Variants in KATNAL1 observed in about 807,000 individuals in gnomAD.
The protein encoded by KATNAL1 is katanin p60 ATPase-containing subunit A-like 1.
Under a neutral mutation model 55.2 loss-of-function variants are expected in KATNAL1, and 32 were observed. The ratio of observed to expected loss-of-function variants is 0.58; its 90% CI spans 0.44 to 0.78. The LOEUF (loss-of-function observed/expected upper bound fraction) is 0.78. Ranked by LOEUF, KATNAL1 falls within the 30% of genes least tolerant of loss-of-function variation. The probability of loss-of-function intolerance (pLI) is 0.00; values close to 1 mark genes in which losing one functional copy is unlikely to be tolerated. For missense variants in KATNAL1, 466 were observed against 600.9 expected, an observed-to-expected ratio of 0.78 and a Z score of 2.35; for synonymous variants, 193 against 193.6, an observed-to-expected ratio of 1.00 and a Z score of 0.02.
intron 6 of KATNAL1, among the ~76,000 whole-genome samples, chr13:30,233,406 G>T (rs1876306569): frequency 6.6e-6 from 1 of 152,072 alleles, no homozygotes; most frequent in Non-Finnish European, 1.5e-5. Context: ...ACCAAAATGA[G>T]ATCATCTCGC....
chr13:30,243,492 T>C (rs181877412), intron 4 of KATNAL1, among the ~76,000 whole-genome samples: 3 of 149,956 alleles, frequency 2.0e-5, no homozygotes, highest in South Asian at 4.2e-4. Context: ...ATCAAGATGA[T>C]AAAGGGTTCA....
chr13:30,243,882 T>C (rs1485269546), intron 4 of KATNAL1, among the ~76,000 whole-genome samples: 2 of 152,164 alleles, frequency 1.3e-5, no homozygotes, highest in East Asian at 3.8e-4. Context: ...TGTTGCCTGA[T>C]TTCAATGGCC....
intron 3 of KATNAL1, among the ~76,000 whole-genome samples, chr13:30,269,094 T>TCTCC (rs1566118012): frequency 6.6e-6 from 1 of 152,050 alleles, no homozygotes; most frequent in Non-Finnish European, 1.5e-5. Context: ...CCACGGTCTC[T>TCTCC]CTCTCCCTCT....
chr13:30,303,958 C>T (rs538827310), intron 1 of KATNAL1, among the ~76,000 whole-genome samples: 1 of 152,214 alleles, frequency 6.6e-6, no homozygotes, highest in Non-Finnish European at 1.5e-5. Context: ...AGTCCTGCCA[C>T]ACTGTTAGTA....
chr13:30,248,340 G>C (rs1157567496), intron 4 of KATNAL1, among the ~76,000 whole-genome samples: 2 of 151,886 alleles, frequency 1.3e-5, no homozygotes, highest in East Asian at 3.8e-4. Flanking sequence ...TCACAAGTTT[G>C]GTCAAATAGT....
At chr13:30,306,638 T>C (rs1391949355) in intron 1 of KATNAL1, 1 of 152,244 alleles carries the variant, frequency 6.6e-6, no homozygotes, top group Non-Finnish European at 1.5e-5. Context: ...GGGTTTAATA[T>C]GCAAACACCT....
intron 3 of KATNAL1, among the ~76,000 whole-genome samples, chr13:30,269,988 C>G (rs1394911934): frequency 6.7e-6 from 1 of 148,448 alleles, no homozygotes; most frequent in East Asian, 2.1e-4. Flanking sequence ...TGAGGAGCCC[C>G]TCTGCCCGGC....
chr13:30,262,691 G>T (rs1879407931), intron 3 of KATNAL1, among the ~76,000 whole-genome samples: 1 of 151,792 alleles, frequency 6.6e-6, no homozygotes, highest in Non-Finnish European at 1.5e-5. Flanking sequence ...TCTCTGAATA[G>T]ACCAATAACA....
chr13:30,212,593 C>T (rs1237727478), intron 9 of KATNAL1, among the ~76,000 whole-genome samples: 1 of 152,234 alleles, frequency 6.6e-6, no homozygotes, highest in Non-Finnish European at 1.5e-5. Context: ...CTTTGGAAAA[C>T]ATATTGAATT....
intron 1 of KATNAL1, among the ~76,000 whole-genome samples, chr13:30,286,442 A>G (rs1881793658): frequency 6.6e-6 from 1 of 152,242 alleles, no homozygotes; most frequent in Admixed American, 6.5e-5. Context: ...ACAAGCCCCA[A>G]GTTTTGGCAG....
chr13:30,301,343 G>C (rs1483594262), intron 1 of KATNAL1, among the ~76,000 whole-genome samples: 1 of 152,112 alleles, frequency 6.6e-6, no homozygotes, highest in African/African-American at 2.4e-5. Flanking sequence ...ACTCCAACCT[G>C]GGCGACAAGA....
At chr13:30,255,787 C>CT (rs1451754667) in intron 3 of KATNAL1, among the ~76,000 whole-genome samples, 172 bp from the exon 4 acceptor site, 2 of 152,012 alleles carry the variant, frequency 1.3e-5, no homozygotes, top group Non-Finnish European at 2.9e-5. Flanking sequence ...TTCCCAAATT[C>CT]TTTTTTCTAA....
intron 3 of KATNAL1, among the ~76,000 whole-genome samples, chr13:30,266,466 TAATA>T (rs951694234): frequency 2.6e-5 from 4 of 152,186 alleles, no homozygotes; most frequent in African/African-American, 7.2e-5. Context: ...TTTATAAACA[TAATA>T]AATTAAGTTT....
At chr13:30,253,027 G>C (rs778387750) in intron 4 of KATNAL1, among the ~76,000 whole-genome samples, 1 of 152,148 alleles carries the variant, frequency 6.6e-6, no homozygotes, top group Non-Finnish European at 1.5e-5. Context: ...GATTACAGGC[G>C]TGAGCCACTG....
At chr13:30,265,675 C>T (rs1041746066) in intron 3 of KATNAL1, among the ~76,000 whole-genome samples, 146 of 151,322 alleles carry the variant, frequency 9.6e-4, no homozygotes, top group African/African-American at 3.3e-3. Flanking sequence ...ATGAGCCTAG[C>T]AGATTTTAGA....
intron 9 of KATNAL1, among the ~76,000 whole-genome samples, chr13:30,216,730 C>A (rs973637397): frequency 6.6e-6 from 1 of 152,126 alleles, no homozygotes; most frequent in African/African-American, 2.4e-5. Context: ...CTGTGCCTAC[C>A]GATACAGAAG....
In KATNAL1 at chr13:30,202,933, ATT is replaced by A. The variant is rs1267196400; in HGVS notation, c.*5605_*5606del. The A allele has an allele frequency of 2.6e-5, 4 of 152,138 alleles. No individual in the cohort carries two copies. The highest frequency in any genetic ancestry group is 5.9e-5 in the Non-Finnish European group (4 of 68,030). The allele number at this position is 152,138 out of a possible 1,614,324, so 9.4% of individuals were successfully genotyped here. On this transcript the variant is annotated 3_prime_UTR_variant, in exon 11 of 11. Coordinates refer to ENST00000380615, the MANE Select transcript of KATNAL1 (RefSeq NM_032116.5). ...CTGCCGTACCATCATATGAATATAC[ATT>A]TGTCAGTAAAAATGTGACAAAAATG...
rs367576199 is a variant in KATNAL1, at chr13:30,291,366, T to C, written c.-14-7575A>G. Among the ~76,000 whole-genome samples, 4 of 152,314 alleles carry C rather than the reference T, an allele frequency of 2.6e-5. No individual in the cohort carries two copies. The East Asian group carries it at 7.7e-4, about 29-fold the overall frequency. ...ATTCAGGGATAAATTTAACAAAATA[T>C]GTGCAAGATCTGTAACCTGAGAACT... is the stretch of plus-strand genomic sequence containing the variant. On this transcript the variant is annotated intron_variant, in intron 1 of 10. Coordinates refer to ENST00000380615, the MANE Select transcript of KATNAL1 (RefSeq NM_032116.5).
At chr13:30,210,558 A>G in intron 9 of KATNAL1, 116 bp from the exon 10 acceptor site, 1 of 790,204 alleles carries the variant, frequency 1.3e-6, no homozygotes, top group South Asian at 2.0e-5. Flanking sequence ...AGAGTCAATA[A>G]CTGTGTGTCC....
Sources: allele counts gnomAD v4.1 joint callset (sites outside exome capture counted in the v4.1 genomes callset), GRCh38; gene constraint gnomAD v4.1.1; transcripts MANE v1.5; gene names NCBI Gene and HGNC (gene_info 2026-07-23, HGNC 2026-07-21).